The following THSD7B variants were observed in gnomAD, a reference collection of about 807,000 sequenced individuals.
The protein encoded by THSD7B is thrombospondin type-1 domain-containing protein 7B.
In THSD7B, 138 loss-of-function variants were observed where a neutral mutation model predicts 213.6. The observed-to-expected ratio is 0.65, with a 90% CI of 0.56 to 0.74. The LOEUF is 0.74. Among genes scored for constraint, THSD7B ranks in the 30% least tolerant of loss-of-function variants. The probability of loss-of-function intolerance (pLI) is 0.00; values close to 1 mark genes in which losing one functional copy is unlikely to be tolerated. For synonymous variants in THSD7B, 742 were observed against 687.0 expected (o/e 1.08, Z -1.25); for missense variants, 1,931 against 1,991.5 (o/e 0.97, Z 0.58).
chr2:136,843,101 T>G (rs1467130686), intron 1 of THSD7B, among the ~76,000 whole-genome samples: 1 of 151,968 alleles, frequency 6.6e-6, no homozygotes, highest in Non-Finnish European at 1.5e-5. Context: ...TTTTTTTTTT[T>G]TTTTTGCTTC....
intron 1 of THSD7B, among the ~76,000 whole-genome samples, chr2:136,867,674 A>G (rs1451103008): frequency 6.6e-6 from 1 of 152,138 alleles, no homozygotes; most frequent in Non-Finnish European, 1.5e-5. Flanking sequence ...TGCATTCATG[A>G]TGCGTCTGTC....
At chr2:137,385,461 C>A (rs7593759) in intron 12 of THSD7B, among the ~76,000 whole-genome samples, 85,902 of 152,092 alleles carry the variant, frequency 0.56, 27,174 homozygotes, top group East Asian at 0.78. Context: ...CATGCTCCCC[C>A]ACTCAGTCCC....
intron 20 of THSD7B, among the ~76,000 whole-genome samples, chr2:137,635,490 G>A (rs891477357): frequency 8.5e-5 from 13 of 152,124 alleles, no homozygotes; most frequent in African/African-American, 2.7e-4. Context: ...AGTGTTAAGG[G>A]ATTTGATAGG....
At chr2:137,215,518 T>C (rs1681217162) in intron 7 of THSD7B, among the ~76,000 whole-genome samples, 2 of 152,202 alleles carry the variant, frequency 1.3e-5, no homozygotes, top group Non-Finnish European at 2.9e-5. Flanking sequence ...GAGCTCTGCA[T>C]GCCCTCAGTC....
intron 26 of THSD7B, among the ~76,000 whole-genome samples, chr2:137,664,480 G>C (rs989717304): frequency 2.6e-5 from 4 of 152,132 alleles, no homozygotes; most frequent in African/African-American, 9.7e-5. Context: ...GCAGTATTAG[G>C]CCTGTAGGGC....
At chr2:137,132,654 C>T (rs2104955468) in intron 5 of THSD7B, among the ~76,000 whole-genome samples, 1 of 152,226 alleles carries the variant, frequency 6.6e-6, no homozygotes, top group South Asian at 2.1e-4. Flanking sequence ...ATAGTGGAAT[C>T]ATAAGGTCTA....
intron 2 of THSD7B, among the ~76,000 whole-genome samples, chr2:137,027,421 T>TA (rs1284573127): frequency 6.6e-6 from 1 of 152,160 alleles, no homozygotes; most frequent in Admixed American, 6.5e-5. Context: ...AAGATCGAAT[T>TA]ACATCCCACA....
At chr2:137,267,105 C>G (rs1040586830) in intron 10 of THSD7B, among the ~76,000 whole-genome samples, 1 of 152,100 alleles carries the variant, frequency 6.6e-6, no homozygotes, top group Non-Finnish European at 1.5e-5. Flanking sequence ...TGTTTGTAGC[C>G]CATTCGTGTG....
intron 10 of THSD7B, among the ~76,000 whole-genome samples, chr2:137,264,229 T>C (rs1351947557): frequency 2.0e-5 from 3 of 152,006 alleles, no homozygotes; most frequent in African/African-American, 4.8e-5. Context: ...CTGTCTATAG[T>C]ATTGACTTAG....
chr2:137,076,218 G>T (rs1284981575), intron 3 of THSD7B, among the ~76,000 whole-genome samples: 5 of 152,252 alleles, frequency 3.3e-5, no homozygotes, highest in African/African-American at 1.2e-4. Context: ...GCCTCCTTGA[G>T]CTGTGGTGGG....
In THSD7B at chr2:137,252,326, G is replaced by A. The variant is rs1297111192; in HGVS notation, c.2266+9754G>A. 2.2e-5 allele frequency among the ~76,000 whole-genome samples: 3 copies of A among 139,434 alleles called. No individual in the cohort carries two copies. The South Asian group carries it at 7.0e-4, about 32-fold the overall frequency. The allele number at this position is 139,434 out of a possible 152,430, so 91.5% of individuals were successfully genotyped here. ...GGGGGCTTGATGGGAATTTATAACAGATCTGGCAGATGTCCAAATGTAAGA... is the reference window on the plus strand; with the variant it reads ...GGGGGCTTGATGGGAATTTATAACAAATCTGGCAGATGTCCAAATGTAAGA... On this transcript the variant is annotated intron_variant, in intron 10 of 27. Transcript: ENST00000409968.
chr2:137,405,214 A>AAAG (rs3083629), intron 12 of THSD7B, among the ~76,000 whole-genome samples: 7 of 149,520 alleles, frequency 4.7e-5, no homozygotes, highest in Non-Finnish European at 1.0e-4. Flanking sequence ...AAAAAAAAAA[A>AAAG]TGACATCTAG....
chr2:136,993,309 C>T (rs1685822250), intron 2 of THSD7B, among the ~76,000 whole-genome samples: 2 of 152,202 alleles, frequency 1.3e-5, no homozygotes, highest in Admixed American at 1.3e-4. Context: ...CAGTGTGCTC[C>T]TTTCCTCCTG....
chr2:137,056,961 T>C lies in THSD7B; in HGVS notation c.681T>C (p.Asp227=). ...CPNLTESRAC[D]APISCPLGEE... ...ATCTGACTGAGTCAAGAGCCTGTGA[T>C]GCTCCCATTTCCTGTCCTCTTGGGG... Residue 227 remains aspartate, a synonymous_variant, in exon 3 of 28, where the codon GAT becomes GAC. Transcript: ENST00000409968. The C allele has an allele frequency of 6.2e-7, 1 of 1,613,984 alleles. No individual in the cohort carries two copies. The highest frequency in any genetic ancestry group is 8.5e-7 in the Non-Finnish European group (1 of 1,179,888).
At chr2:137,440,719 T>C (rs1376312608) in intron 14 of THSD7B, among the ~76,000 whole-genome samples, 3 of 152,048 alleles carry the variant, frequency 2.0e-5, no homozygotes, top group African/African-American at 7.2e-5. Context: ...TTATAAGAAA[T>C]ACACAAATAT....
intron 7 of THSD7B, among the ~76,000 whole-genome samples, chr2:137,228,424 G>A (rs1681563382): frequency 6.6e-6 from 1 of 152,090 alleles, no homozygotes; most frequent in Non-Finnish European, 1.5e-5. Context: ...TGACAGGGAG[G>A]ATGGTAAATT....
At chr2:137,087,908 A>G (rs1687869687) in intron 3 of THSD7B, among the ~76,000 whole-genome samples, 3 of 152,232 alleles carry the variant, frequency 2.0e-5, no homozygotes, top group Middle Eastern at 3.4e-3. Flanking sequence ...ACTATATTAT[A>G]AGGCCATAGT....
intron 12 of THSD7B, among the ~76,000 whole-genome samples, chr2:137,377,308 G>C (rs1339202154): frequency 6.6e-5 from 10 of 152,010 alleles, no homozygotes; most frequent in Admixed American, 2.6e-4. Flanking sequence ...CCTTAATGGA[G>C]GATAAAATTT....
intron 2 of THSD7B, among the ~76,000 whole-genome samples, chr2:137,051,774 CA>C (rs775561242): frequency 7.2e-5 from 11 of 152,156 alleles, no homozygotes; most frequent in Non-Finnish European, 1.5e-4. Flanking sequence ...GTTGCCACTT[CA>C]AATAGTGACC....
Sources: allele counts gnomAD v4.1 joint callset (sites outside exome capture counted in the v4.1 genomes callset), GRCh38; gene constraint gnomAD v4.1.1; transcripts MANE v1.5; gene names NCBI Gene and HGNC (gene_info 2026-07-23, HGNC 2026-07-21).